GALK2: variants seen among roughly 807,000 people sequenced by gnomAD.
GALK2 encodes N-acetylgalactosamine kinase.
In GALK2, 36 loss-of-function variants were observed where a neutral mutation model predicts 52.4. The ratio of observed to expected loss-of-function variants is 0.69; its 90% CI spans 0.53 to 0.91. The LOEUF (loss-of-function observed/expected upper bound fraction) is 0.91, where lower values mean the gene tolerates loss of function less well. GALK2 is among the 40% of genes least tolerant of loss of function. GALK2 has a pLI of 0.00. For missense variants in GALK2, 579 were observed against 559.1 expected (o/e 1.04, Z -0.36); for synonymous variants, 176 against 199.1 (o/e 0.88, Z 0.98).
At chr15:49,239,103 TTCTATAACTATTATAAG>T in intron 4 of GALK2, 101 bp from the exon 5 acceptor site, 1 of 782,646 alleles carries the variant, frequency 1.3e-6, no homozygotes. Context: ...CATAAGTAGT[TTCTATAACTATTATAAG>T]TCTATTGATA....
At position 49,254,860 on chromosome 15, in the gene GALK2, C is replaced by T. The variant is rs918395600; in HGVS notation, c.504+15493C>T. 2.8e-5 allele frequency among the ~76,000 whole-genome samples: 4 copies of T among 144,304 alleles called. 1 individual carries two copies. The highest frequency in any genetic ancestry group is 9.9e-5 in the African/African-American group (4 of 40,322). 94.7% of individuals were successfully genotyped at this position (144,304 alleles called of 152,430 possible). The stretch of plus-strand genomic sequence containing the variant: ...GATTAGATGTATTGTTAATGTACCA[C>T]TTAAAATTTTTTTCCAACTTTTAAT... On this transcript the variant is annotated intron_variant, in intron 5 of 9. Coordinates refer to ENST00000560031, the MANE Select transcript of GALK2 (RefSeq NM_002044.4).
chr15:49,326,725 GTTTA>G (rs879455877), intron 9 of GALK2, among the ~76,000 whole-genome samples: 16 of 152,222 alleles, frequency 1.1e-4, no homozygotes, highest in Admixed American at 7.8e-4. Flanking sequence ...GATCAGTGAT[GTTTA>G]TTTGTTTGTA....
intron 1 of GALK2, among the ~76,000 whole-genome samples, chr15:49,171,093 T>A (rs1260955570): frequency 6.8e-6 from 1 of 147,834 alleles, no homozygotes; most frequent in African/African-American, 2.6e-5. Flanking sequence ...TTTTTTTTTT[T>A]TTTTTTGAGA....
chr15:49,268,700 C>CT, intron 5 of GALK2, among the ~76,000 whole-genome samples: 1 of 152,286 alleles, frequency 6.6e-6, no homozygotes, highest in South Asian at 2.1e-4. Context: ...TGATCATCTT[C>CT]TTTTTCTCCC....
Position 49,367,313 on chromosome 15 carries a change from A to C in GALK2, c.427-178A>C, listed in dbSNP as rs982616663. On this transcript the variant is annotated intron_variant, in intron 3 of 3. Transcript: ENST00000558399. ...ACATACTACCAAAGTTTTAAGCATA[A>C]GTAAATATTAATACTAAACAGAAGC... 19 of 744,230 alleles carry C rather than the reference A, an allele frequency of 2.6e-5. No individual in the cohort carries two copies. The African/African-American group carries it at 3.5e-4, about 14-fold the overall frequency. The allele number at this position is 744,230 out of a possible 1,614,324, so 46.1% of individuals were successfully genotyped here. A position where few individuals can be genotyped will look rare whatever the true frequency, so the allele number is the denominator to read the frequency against.
At chr15:49,311,946 C>T (rs989792360) in intron 8 of GALK2, among the ~76,000 whole-genome samples, 5 of 152,182 alleles carry the variant, frequency 3.3e-5, no homozygotes, top group Non-Finnish European at 7.3e-5. Context: ...CAGAGAGATC[C>T]CTGAGAGATT....
At chr15:49,255,827 T>A (rs1485132870) in intron 5 of GALK2, among the ~76,000 whole-genome samples, 1 of 152,156 alleles carries the variant, frequency 6.6e-6, no homozygotes, top group Non-Finnish European at 1.5e-5. Context: ...TGCATGTTTG[T>A]CAAATGAGTG....
intron 3 of GALK2, chr15:49,353,935 C>T (rs980983776): frequency 6.6e-6 from 1 of 151,976 alleles, no homozygotes; most frequent in Non-Finnish European, 1.5e-5. Flanking sequence ...AGTTGTTATT[C>T]ACATATTGGT....
intron 3 of GALK2, among the ~76,000 whole-genome samples, chr15:49,364,162 G>A (rs1201161083): frequency 6.6e-6 from 1 of 151,986 alleles, no homozygotes; most frequent in Non-Finnish European, 1.5e-5. Context: ...CCTCCTCAAT[G>A]TTTTGGAATA....
chr15:49,364,148 CCCT>C (rs1471375865), intron 3 of GALK2, among the ~76,000 whole-genome samples: 1 of 152,112 alleles, frequency 6.6e-6, no homozygotes, highest in African/African-American at 2.4e-5. Flanking sequence ...AGGAAAGAGT[CCCT>C]CCTCCTCAAT....
chr15:49,364,139 G>A (rs992153195), intron 3 of GALK2, among the ~76,000 whole-genome samples: 4 of 152,152 alleles, frequency 2.6e-5, no homozygotes, highest in African/African-American at 7.2e-5. Flanking sequence ...GAATGAGTTA[G>A]GAAAGAGTCC....
At chr15:49,366,560 C>T (rs766375098) in intron 3 of GALK2, 4 of 1,593,760 alleles carry the variant, frequency 2.5e-6, no homozygotes, top group Non-Finnish European at 3.4e-6. Context: ...ATAAAGCATG[C>T]AGTAGTCCTT....
At chr15:49,225,476 C>T in intron 3 of GALK2, 1 of 295,732 alleles carries the variant, frequency 3.4e-6, no homozygotes. Flanking sequence ...ATCTAGGTTG[C>T]ATGCTCCTTA....
chr15:49,338,190 T>C (rs540803495), intron 3 of GALK2, among the ~76,000 whole-genome samples: 1 of 152,308 alleles, frequency 6.6e-6, no homozygotes, highest in East Asian at 1.9e-4. Flanking sequence ...TATCTGGTTG[T>C]TTTGCCCGTT....
intron 3 of GALK2, among the ~76,000 whole-genome samples, chr15:49,360,177 C>G (rs1201708220): frequency 6.7e-6 from 1 of 148,966 alleles, no homozygotes; most frequent in Non-Finnish European, 1.5e-5. Context: ...CAGCATGGCA[C>G]ATGTATACAT....
chr15:49,196,704 T>C (rs188112219), intron 1 of GALK2, among the ~76,000 whole-genome samples: 1 of 152,250 alleles, frequency 6.6e-6, no homozygotes, highest in African/African-American at 2.4e-5. Flanking sequence ...TAATCTCTTA[T>C]TATTAATGTA....
At chr15:49,251,591 G>T (rs1030267869) in intron 5 of GALK2, among the ~76,000 whole-genome samples, 1 of 152,132 alleles carries the variant, frequency 6.6e-6, no homozygotes, top group African/African-American at 2.4e-5. Context: ...GTGCAATGTT[G>T]TAGAGCAGAT....
chr15:49,262,437 C>G (rs56107345), intron 5 of GALK2, among the ~76,000 whole-genome samples: 1 of 151,852 alleles, frequency 6.6e-6, no homozygotes, highest in African/African-American at 2.4e-5. Flanking sequence ...TTTTTTATTG[C>G]GTCTATTGAT....
At chr15:49,327,648 C>G (rs138072916) in intron 9 of GALK2, 4 of 209,884 alleles carry the variant, frequency 1.9e-5, no homozygotes, top group East Asian at 2.1e-4. Context: ...TACAACTCTT[C>G]AAGTGGCTAC....
Sources: allele counts gnomAD v4.1 joint callset (sites outside exome capture counted in the v4.1 genomes callset), GRCh38; gene constraint gnomAD v4.1.1; transcripts MANE v1.5; gene names NCBI Gene and HGNC (gene_info 2026-07-23, HGNC 2026-07-21).